Variants in APBA1 observed in about 807,000 individuals in gnomAD.
APBA1 encodes the protein amyloid-beta A4 precursor protein-binding family A member 1.
In APBA1, 55 loss-of-function variants were observed where a neutral mutation model predicts 86.6. The ratio of observed to expected loss-of-function variants is 0.64; its 90% CI spans 0.51 to 0.80. APBA1 has a LOEUF of 0.80. APBA1 is among the 30% of genes least tolerant of loss of function. The probability of loss-of-function intolerance (pLI) is 0.00; values close to 1 mark genes in which losing one functional copy is unlikely to be tolerated. For synonymous variants in APBA1, 511 were observed against 493.9 expected (o/e 1.03, Z -0.46); for missense variants, 1,090 against 1,183.0 (o/e 0.92, Z 1.15).
intron 1 of APBA1, among the ~76,000 whole-genome samples, chr9:69,602,374 A>G (rs1267164750): frequency 6.6e-6 from 1 of 152,082 alleles, no homozygotes; most frequent in East Asian, 1.9e-4. Flanking sequence ...GATCAAGACC[A>G]TCCTGCCTAA....
At chr9:69,619,480 T>A (rs1822770365) in intron 1 of APBA1, among the ~76,000 whole-genome samples, 1 of 152,194 alleles carries the variant, frequency 6.6e-6, no homozygotes, top group Non-Finnish European at 1.5e-5. Context: ...AAAGAACAAA[T>A]GAATCTCTCT....
chr9:69,576,981 T>C (rs1287130631), intron 1 of APBA1, among the ~76,000 whole-genome samples: 1 of 152,208 alleles, frequency 6.6e-6, no homozygotes, highest in Non-Finnish European at 1.5e-5. Flanking sequence ...TTAATTTTTA[T>C]TTTTTGATTT....
intron 5 of APBA1, chr9:69,463,530 T>A (rs966891594): frequency 6.6e-6 from 1 of 152,208 alleles, no homozygotes; most frequent in Non-Finnish European, 1.5e-5. Context: ...TGGTACTACA[T>A]GAGTGGCGGA....
At chr9:69,452,340 C>T (rs1266182519) in intron 8 of APBA1, 39 bp from the exon 9 acceptor site, 1 of 1,599,722 alleles carries the variant, frequency 6.3e-7, no homozygotes, top group Non-Finnish European at 8.5e-7. Context: ...GTCAGCAGGG[C>T]AGTGCACCTG....
At chr9:69,607,242 A>G (rs971622718) in intron 1 of APBA1, among the ~76,000 whole-genome samples, 1 of 152,218 alleles carries the variant, frequency 6.6e-6, no homozygotes, top group African/African-American at 2.4e-5. Flanking sequence ...CGGTCATGGC[A>G]GAAGATGAAG....
chr9:69,433,250 A>G (rs1298952417), intron 11 of APBA1, among the ~76,000 whole-genome samples: 2 of 152,200 alleles, frequency 1.3e-5, no homozygotes, highest in Non-Finnish European at 2.9e-5. Flanking sequence ...GGATTTTGTG[A>G]TGGCACAGCC....
chr9:69,606,267 G>A (rs1564090412), intron 1 of APBA1, among the ~76,000 whole-genome samples: 1 of 152,190 alleles, frequency 6.6e-6, no homozygotes. Context: ...AACAGAGAAG[G>A]TAGAGGGGCA....
chr9:69,505,939 A>G (rs1272527439), intron 2 of APBA1, among the ~76,000 whole-genome samples: 1 of 151,876 alleles, frequency 6.6e-6, no homozygotes, highest in Admixed American at 6.6e-5. Context: ...GAATTGCTTG[A>G]GCCTGGGAGG....
chr9:69,503,082 C>T (rs1835903058), intron 2 of APBA1, among the ~76,000 whole-genome samples: 1 of 152,050 alleles, frequency 6.6e-6, no homozygotes, highest in South Asian at 2.1e-4. Flanking sequence ...CTCATCTTAC[C>T]ATATAACATA....
intron 1 of APBA1, among the ~76,000 whole-genome samples, chr9:69,535,570 C>T (rs559778466): frequency 1.3e-5 from 2 of 152,222 alleles, no homozygotes; most frequent in African/African-American, 2.4e-5. Flanking sequence ...TTTCTGTGAT[C>T]GTTGCCTCCC....
chr9:69,636,390 T>C (rs1823159950), intron 1 of APBA1, among the ~76,000 whole-genome samples: 1 of 152,182 alleles, frequency 6.6e-6, no homozygotes, highest in Admixed American at 6.5e-5. Flanking sequence ...GCAATTCCAC[T>C]GCTAGGTATA....
chr9:69,648,742 T>C (rs1160113017), intron 1 of APBA1, among the ~76,000 whole-genome samples: 1 of 152,136 alleles, frequency 6.6e-6, no homozygotes, highest in Non-Finnish European at 1.5e-5. Flanking sequence ...CCACCTTTTT[T>C]AAGCATCCAT....
chr9:69,662,368 T>C (rs1823769482), intron 1 of APBA1, among the ~76,000 whole-genome samples: 1 of 152,222 alleles, frequency 6.6e-6, no homozygotes, highest in Non-Finnish European at 1.5e-5. Flanking sequence ...CCTGACACTT[T>C]GTAACTTGTT....
At chr9:69,659,820 A>G (rs1376917376) in intron 1 of APBA1, among the ~76,000 whole-genome samples, 1 of 152,230 alleles carries the variant, frequency 6.6e-6, no homozygotes, top group Non-Finnish European at 1.5e-5. Flanking sequence ...TTTATTTTAC[A>G]TGTGTCATGG....
intron 11 of APBA1, among the ~76,000 whole-genome samples, chr9:69,435,086 T>C (rs2133784993): frequency 6.6e-6 from 1 of 152,016 alleles, no homozygotes; most frequent in African/African-American, 2.4e-5. Flanking sequence ...AGAATGATGG[T>C]TTCTAGCTTC....
intron 1 of APBA1, among the ~76,000 whole-genome samples, chr9:69,604,761 C>A (rs73647261): frequency 9.6e-6 from 1 of 104,556 alleles, no homozygotes. Context: ...TGAGGGTAAG[C>A]GGAGAAGCAC....
intron 8 of APBA1, among the ~76,000 whole-genome samples, chr9:69,454,166 G>A (rs185527944): frequency 3.3e-4 from 51 of 152,294 alleles, no homozygotes; most frequent in Admixed American, 1.5e-3. Context: ...GGAACTTTCC[G>A]TGTGGCTGGC....
chr9:69,592,039 T>C (rs1358042657), intron 1 of APBA1, among the ~76,000 whole-genome samples: 1 of 152,224 alleles, frequency 6.6e-6, no homozygotes, highest in Non-Finnish European at 1.5e-5. Flanking sequence ...GTGCTTTTAC[T>C]CACAAAGATT....
At chr9:69,537,871 C>G (rs1486859505) in intron 1 of APBA1, among the ~76,000 whole-genome samples, 2 of 151,882 alleles carry the variant, frequency 1.3e-5, no homozygotes, top group Non-Finnish European at 2.9e-5. Context: ...ATGTTTTCCC[C>G]CAGTGTATCA....
Sources: allele counts gnomAD v4.1 joint callset (sites outside exome capture counted in the v4.1 genomes callset), GRCh38; gene constraint gnomAD v4.1.1; transcripts MANE v1.5; gene names NCBI Gene and HGNC (gene_info 2026-07-23, HGNC 2026-07-21).